The following WDR59 variants were observed in gnomAD, a reference collection of about 807,000 sequenced individuals.
WDR59 encodes the protein WD repeat domain 59, also known as GATOR2 complex protein WDR59.
WDR59 carries 100 observed loss-of-function variants against 131.2 expected under a neutral mutation model. The observed-to-expected ratio is 0.76, with a 90% CI of 0.65 to 0.90. WDR59 has a LOEUF of 0.90. Ranked by LOEUF, WDR59 falls within the 40% of genes least tolerant of loss-of-function variation. The pLI is 0.00. For missense variants in WDR59, 1,203 were observed against 1,262.2 expected (o/e 0.95, Z 0.71); for synonymous variants, 601 against 466.2 (o/e 1.29, Z -3.72).
At chr16:74,937,049 A>C (rs146521367) in intron 8 of WDR59, among the ~76,000 whole-genome samples, 174 of 152,314 alleles carry the variant, frequency 1.1e-3, no homozygotes, top group Admixed American at 2.5e-3. Flanking sequence ...AATAAATGAC[A>C]CTGAATCATA....
intron 18 of WDR59, among the ~76,000 whole-genome samples, chr16:74,900,094 A>G (rs1965478435): frequency 6.6e-6 from 1 of 152,242 alleles, no homozygotes; most frequent in South Asian, 2.1e-4. Context: ...CACTGAGATC[A>G]TTGTGCAAGT....
intron 10 of WDR59, among the ~76,000 whole-genome samples, chr16:74,919,391 T>C (rs939084701): frequency 4.7e-4 from 71 of 152,064 alleles, no homozygotes; most frequent in African/African-American, 1.7e-3. Context: ...AGTGCAGTGA[T>C]GCAATCTGAG....
At chr16:74,922,866 A>G (rs2030383420) in intron 9 of WDR59, among the ~76,000 whole-genome samples, 2 of 152,196 alleles carry the variant, frequency 1.3e-5, no homozygotes, top group Non-Finnish European at 2.9e-5. Context: ...TACAAAACCA[A>G]CTTAATACCC....
chr16:74,969,567 G>T (rs937765750), intron 1 of WDR59, among the ~76,000 whole-genome samples: 1 of 140,974 alleles, frequency 7.1e-6, no homozygotes, highest in African/African-American at 2.5e-5. Context: ...CACTGCACCC[G>T]GCCTGTTTTT....
intron 1 of WDR59, among the ~76,000 whole-genome samples, chr16:74,971,687 C>A (rs1194534179): frequency 6.6e-6 from 1 of 151,966 alleles, no homozygotes; most frequent in Non-Finnish European, 1.5e-5. Context: ...CCTGCCTGGG[C>A]CTCCCAAAGT....
At chr16:74,925,309 G>A (rs889413682) in intron 8 of WDR59, among the ~76,000 whole-genome samples, 4 of 152,098 alleles carry the variant, frequency 2.6e-5, no homozygotes, top group East Asian at 1.9e-4. Flanking sequence ...GCCAAGGCAG[G>A]CAGGCAGGCA....
In WDR59 at chr16:74,985,067, C is replaced by A; in HGVS notation, c.-50G>T. The A allele has an allele frequency of 1.3e-6, 2 of 1,523,010 alleles. No homozygotes were observed. The highest frequency in any genetic ancestry group is 2.4e-5 in the East Asian group (1 of 40,884). The allele number at this position is 1,523,010 out of a possible 1,614,324, so 94.3% of individuals were successfully genotyped here. On this transcript the variant is annotated 5_prime_UTR_variant, in exon 1 of 26. Coordinates refer to ENST00000262144, the MANE Select transcript of WDR59 (RefSeq NM_030581.4). ...CCAGGACGGCGCCCTCCCACCCCGCCGTCCCCAGTATCCCGGGACCGTGCG... is the reference window on the plus strand; with the variant it reads ...CCAGGACGGCGCCCTCCCACCCCGCAGTCCCCAGTATCCCGGGACCGTGCG...
At chr16:74,901,360 G>A (rs1811505859) in intron 18 of WDR59, among the ~76,000 whole-genome samples, 1 of 151,838 alleles carries the variant, frequency 6.6e-6, no homozygotes. Flanking sequence ...AAGCTCTCAG[G>A]GGCAGAGATC....
chr16:74,872,706 C>T lies in WDR59; in HGVS notation c.*1503G>A, dbSNP rs1320256092. 1.3e-5 allele frequency: 2 copies of T among 152,246 alleles called. No individual in the cohort carries two copies. The highest frequency in any genetic ancestry group is 4.8e-5 in the African/African-American group (2 of 41,434). 9.4% of individuals were successfully genotyped at this position (152,246 alleles called of 1,614,324 possible). A position where few individuals can be genotyped will look rare whatever the true frequency, so the allele number is the denominator to read the frequency against. ...CCTAAAGGAAGAGTGAGGGCACTCA[C>T]TGGAACCCAGCCCATCTGAACAGAG... On this transcript the variant is annotated 3_prime_UTR_variant, in exon 26 of 26. Transcript: ENST00000262144.
chr16:74,930,410 C>T (rs2031274974), intron 8 of WDR59, among the ~76,000 whole-genome samples: 1 of 151,986 alleles, frequency 6.6e-6, no homozygotes. Flanking sequence ...CAAATCCTTG[C>T]TGAAGGTGTA....
intron 11 of WDR59, 80 bp from the exon 12 acceptor site, chr16:74,916,339 A>T: frequency 1.9e-6 from 3 of 1,576,616 alleles, no homozygotes; most frequent in Non-Finnish European, 2.6e-6. Context: ...GTTCTGACTT[A>T]AAAATGGGAA....
intron 6 of WDR59, among the ~76,000 whole-genome samples, chr16:74,947,996 G>A (rs746084048): frequency 6.6e-6 from 1 of 152,132 alleles, no homozygotes; most frequent in South Asian, 2.1e-4. Context: ...CTTGAACCTG[G>A]GAAGCAGAGG....
intron 6 of WDR59, among the ~76,000 whole-genome samples, chr16:74,944,042 G>A (rs1436423367): frequency 6.6e-6 from 1 of 152,152 alleles, no homozygotes; most frequent in East Asian, 1.9e-4. Context: ...AGAAGAGCTT[G>A]CTCTACCTCC....
chr16:74,962,617 A>AT (rs1294326893), intron 2 of WDR59, among the ~76,000 whole-genome samples: 1 of 151,872 alleles, frequency 6.6e-6, no homozygotes, highest in East Asian at 1.9e-4. Context: ...AATGCTTGTG[A>AT]TTTTTGCACA....
intron 3 of WDR59, among the ~76,000 whole-genome samples, chr16:74,953,050 G>A (rs538302672): frequency 4.6e-5 from 7 of 152,176 alleles, no homozygotes; most frequent in East Asian, 3.9e-4. Flanking sequence ...ACGACACAGC[G>A]GGTATCATCA....
chr16:74,973,579 T>C (rs575495301), intron 1 of WDR59, among the ~76,000 whole-genome samples: 3 of 152,234 alleles, frequency 2.0e-5, no homozygotes, highest in Non-Finnish European at 2.9e-5. Context: ...TGAGCCACCA[T>C]GCTTGGCCCA....
At chr16:74,983,247 T>C (rs1252271080) in intron 1 of WDR59, among the ~76,000 whole-genome samples, 1 of 151,732 alleles carries the variant, frequency 6.6e-6, no homozygotes, top group Non-Finnish European at 1.5e-5. Flanking sequence ...CCAAGGCAGA[T>C]GGATCACTTG....
At chr16:74,892,448 A>C (rs1965088147) in intron 20 of WDR59, 36 bp downstream of exon 20, 1 of 1,566,536 alleles carries the variant, frequency 6.4e-7, no homozygotes, top group African/African-American at 1.4e-5. Flanking sequence ...CTCCTGAAGA[A>C]AAATCCAAAT....
At chr16:74,889,644 G>A (rs1229520335) in intron 21 of WDR59, 59 bp downstream of exon 21, 1 of 1,405,892 alleles carries the variant, frequency 7.1e-7, no homozygotes, top group Non-Finnish European at 1.0e-6. Context: ...CATTTCAAGT[G>A]TTTACAGACC....
Sources: allele counts gnomAD v4.1 joint callset (sites outside exome capture counted in the v4.1 genomes callset), GRCh38; gene constraint gnomAD v4.1.1; transcripts MANE v1.5; gene names NCBI Gene and HGNC (gene_info 2026-07-23, HGNC 2026-07-21).